Variants in CCDC191 observed in about 807,000 individuals in gnomAD.
The protein encoded by CCDC191 is coiled-coil domain containing 191.
CCDC191 carries 99 observed loss-of-function variants against 114.0 expected under a neutral mutation model. The observed-to-expected ratio is 0.87, with a 90% CI of 0.74 to 1.03. The LOEUF (loss-of-function observed/expected upper bound fraction) is 1.03, where lower values mean the gene tolerates loss of function less well. CCDC191 is among the 50% of genes least tolerant of loss of function. The pLI is 0.00. For missense variants in CCDC191, 973 were observed against 1,087.0 expected (o/e 0.90, Z 1.47); for synonymous variants, 351 against 376.0 (o/e 0.93, Z 0.77).
chr3:114,046,921 T>C, intron 2 of CCDC191, 189 bp from the exon 3 acceptor site: 1 of 967,090 alleles, frequency 1.0e-6, no homozygotes, highest in Non-Finnish European at 1.2e-6. Context: ...TATATAATAT[T>C]AAATTAATTG....
At chr3:114,050,383 A>G (rs2076684379) in intron 2 of CCDC191, among the ~76,000 whole-genome samples, 1 of 152,248 alleles carries the variant, frequency 6.6e-6, no homozygotes, top group Admixed American at 6.5e-5. Flanking sequence ...TAAATTTTTG[A>G]AGCTACCCAT....
At chr3:113,972,666 GTGT>G (rs1371273034) in intron 16 of CCDC191, among the ~76,000 whole-genome samples, 1 of 152,136 alleles carries the variant, frequency 6.6e-6, no homozygotes, top group Non-Finnish European at 1.5e-5. Flanking sequence ...TGAGAGTGGC[GTGT>G]TGAAGTCCCC....
In CCDC191 at chr3:114,006,619, A is replaced by ATATATATATATAT. The variant is rs1559903359; in HGVS notation, c.1414-658_1414-657insATATATATATATA. Among the ~76,000 whole-genome samples, 112 of 92,502 alleles carry ATATATATATATAT rather than the reference A, an allele frequency of 1.2e-3. 7 individuals are homozygous for ATATATATATATAT. The highest frequency in any genetic ancestry group is 4.4e-3 in the African/African-American group (104 of 23,902). The allele number at this position is 92,502 out of a possible 152,430, so 60.7% of individuals were successfully genotyped here. A position where few individuals can be genotyped will look rare whatever the true frequency, so the allele number is the denominator to read the frequency against. ...ATATATATATATATATATATATATA[A>ATATATATATATAT]ATATATATATTTTATATATAAAAAA... On this transcript the variant is annotated intron_variant, in intron 9 of 16. Transcript: ENST00000295878.
At chr3:114,006,611 TATATATAA>T (rs1387894277) in intron 9 of CCDC191, among the ~76,000 whole-genome samples, 17 of 125,832 alleles carry the variant, frequency 1.4e-4, no homozygotes, top group African/African-American at 5.3e-4. Context: ...TATATATATA[TATATATAA>T]ATATATATAT....
chr3:114,021,759 C>G (rs1289286993), intron 7 of CCDC191, among the ~76,000 whole-genome samples: 2 of 152,086 alleles, frequency 1.3e-5, no homozygotes, highest in African/African-American at 4.8e-5. Flanking sequence ...CAATAGTGCT[C>G]TATCCCTTTG....
chr3:114,023,729 G>A (rs1182054155), intron 7 of CCDC191, among the ~76,000 whole-genome samples: 1 of 152,104 alleles, frequency 6.6e-6, no homozygotes, highest in Non-Finnish European at 1.5e-5. Context: ...AGACTTAAAT[G>A]TTAGACCTAA....
chr3:114,002,683 T>C, intron 11 of CCDC191, 145 bp from the exon 12 acceptor site: 1 of 1,278,618 alleles, frequency 7.8e-7, no homozygotes, highest in South Asian at 1.8e-5. Flanking sequence ...TCTCAGAAAA[T>C]ATATAGAGAT....
At chr3:114,037,490 CT>C (rs1262861394) in intron 4 of CCDC191, among the ~76,000 whole-genome samples, 1 of 152,162 alleles carries the variant, frequency 6.6e-6, no homozygotes, top group Non-Finnish European at 1.5e-5. Flanking sequence ...TAGTTTATCA[CT>C]TTCTGTTGCT....
chr3:114,048,679 A>T (rs2076662154), intron 2 of CCDC191, among the ~76,000 whole-genome samples: 2 of 152,038 alleles, frequency 1.3e-5, no homozygotes, highest in Non-Finnish European at 1.5e-5. Flanking sequence ...CCCTATATGA[A>T]ACTGTAAACA....
chr3:114,043,171 GAT>G (rs1385589667), intron 3 of CCDC191, among the ~76,000 whole-genome samples: 2 of 152,158 alleles, frequency 1.3e-5, no homozygotes, highest in Non-Finnish European at 2.9e-5. Flanking sequence ...AGGGAAGAAA[GAT>G]AGAGAAGTGA....
intron 11 of CCDC191, 145 bp downstream of exon 11, chr3:114,004,492 A>T: frequency 7.0e-7 from 1 of 1,429,612 alleles, no homozygotes; most frequent in South Asian, 1.4e-5. Flanking sequence ...TCCACTCCTC[A>T]CATGTCTACC....
chr3:114,046,813 C>A, intron 2 of CCDC191, 81 bp from the exon 3 acceptor site: 8 of 1,469,032 alleles, frequency 5.4e-6, no homozygotes, highest in African/African-American at 1.4e-5. Flanking sequence ...ACTCAAGAAA[C>A]TGATTTTCTA....
intron 2 of CCDC191, among the ~76,000 whole-genome samples, chr3:114,049,795 T>C (rs1032471013): frequency 3.9e-5 from 6 of 152,204 alleles, no homozygotes; most frequent in Non-Finnish European, 5.9e-5. Context: ...TGTTAAAACA[T>C]TACATCCTTA....
At chr3:114,020,912 G>A (rs147561146) in intron 7 of CCDC191, among the ~76,000 whole-genome samples, 8 of 152,082 alleles carry the variant, frequency 5.3e-5, no homozygotes, top group East Asian at 3.9e-4. Context: ...AGCATCTTAC[G>A]TGTACTATTT....
chr3:114,046,533 C>A, intron 3 of CCDC191, 58 bp downstream of exon 3: 2 of 1,038,450 alleles, frequency 1.9e-6, no homozygotes, highest in African/African-American at 1.6e-5. Flanking sequence ...CTTTGAAATG[C>A]ATCATGGGTT....
At chr3:114,018,967 T>C (rs1413766137) in intron 7 of CCDC191, 99 bp from the exon 8 acceptor site, 4 of 1,005,598 alleles carry the variant, frequency 4.0e-6, no homozygotes, top group African/African-American at 1.6e-5. Flanking sequence ...CTCACACTTT[T>C]AAAAACAAAT....
rs1355863006 is a variant in CCDC191 at position 114,054,586 on chromosome 3, G to A, written c.91-951C>T. Among the ~76,000 whole-genome samples, 10 of 152,148 alleles carry A rather than the reference G, an allele frequency of 6.6e-5. 1 individual carries two copies. Among genetic ancestry groups the A allele is most frequent in the Admixed American group, 3.3e-4 (5 of 15,272 alleles). On this transcript the variant is annotated intron_variant, in intron 1 of 16. Coordinates refer to ENST00000295878, the MANE Select transcript of CCDC191 (RefSeq NM_020817.2). The stretch of plus-strand genomic sequence containing the variant: ...CGAGAGGCGGAGCTTGCAGTGAGCC[G>A]AGATTGCACCACTGCGCTCCAGCCT...
At chr3:114,054,096 C>T (rs2076733580) in intron 1 of CCDC191, 1 of 152,486 alleles carries the variant, frequency 6.6e-6, no homozygotes, top group Admixed American at 6.5e-5. Context: ...GAGGCTTTCT[C>T]ATCTTACCCA....
intron 3 of CCDC191, among the ~76,000 whole-genome samples, 196 bp downstream of exon 3, chr3:114,046,394 TG>T (rs1380055185): frequency 6.6e-6 from 1 of 152,198 alleles, no homozygotes; most frequent in East Asian, 1.9e-4. Flanking sequence ...GGTTCTAATT[TG>T]GGAAACAAAA....
Sources: allele counts gnomAD v4.1 joint callset (sites outside exome capture counted in the v4.1 genomes callset), GRCh38; gene constraint gnomAD v4.1.1; transcripts MANE v1.5; gene names NCBI Gene and HGNC (gene_info 2026-07-23, HGNC 2026-07-21).